The following PRKCD variants were observed in gnomAD, a reference collection of about 807,000 sequenced individuals.
The protein encoded by PRKCD is protein kinase C delta type.
A neutral mutation model predicts 82.2 loss-of-function variants in PRKCD; 20 were observed. That is an observed-to-expected ratio of 0.24 (90% CI 0.17 to 0.35). PRKCD has a LOEUF of 0.35. PRKCD is among the 10% of genes least tolerant of loss of function. The pLI is 1.00. For missense variants in PRKCD, 607 were observed against 899.0 expected (o/e 0.68, Z 4.15); for synonymous variants, 317 against 337.0 (o/e 0.94, Z 0.65).
chr3:53,169,778 C>A lies in PRKCD; in HGVS notation c.-20+4563C>A, dbSNP rs1419811898. On this transcript the variant is annotated intron_variant, in intron 2 of 18. Transcript: ENST00000330452. This position sits in a 1 kb window ranked among gnomAD's most constrained non-coding sequence, Gnocchi z 4.7. ...GCCCAGTTCTGCCCAGAGCCTCAGG[C>A]CAGAACAGGGCACCCTGCGGCTGGG... Among the ~76,000 whole-genome samples, 2 of 152,180 alleles carry A rather than the reference C, an allele frequency of 1.3e-5. No individual in the cohort carries two copies. Among genetic ancestry groups the A allele is most frequent in the Non-Finnish European group, 2.9e-5 (2 of 68,024 alleles).
chr3:53,181,638 G>A, intron 6 of PRKCD, 32 bp downstream of exon 6: 1 of 1,613,888 alleles, frequency 6.2e-7, no homozygotes, highest in Non-Finnish European at 8.5e-7. Context: ...TGGTGGTGGT[G>A]CAGGGTAGTG....
chr3:53,177,561 G>GA (rs1703253498), intron 2 of PRKCD, among the ~76,000 whole-genome samples: 1 of 152,118 alleles, frequency 6.6e-6, no homozygotes, highest in African/African-American at 2.4e-5. Context: ...TAGTTATGAA[G>GA]AAAAAACCCC....
At chr3:53,179,516 G>T in intron 3 of PRKCD, 61 bp from the exon 4 acceptor site, 1 of 1,602,918 alleles carries the variant, frequency 6.2e-7, no homozygotes, top group South Asian at 1.1e-5. Flanking sequence ...AGGCCGTGGA[G>T]GTCTACGAGG....
At chr3:53,190,113 A>C in intron 18 of PRKCD, 112 bp downstream of exon 18, 13 of 1,464,564 alleles carry the variant, frequency 8.9e-6, no homozygotes, top group African/African-American at 2.8e-5. Flanking sequence ...AGCAATCTCC[A>C]TAGCATGTTC....
intron 2 of PRKCD, among the ~76,000 whole-genome samples, chr3:53,165,922 G>A (rs782517583): frequency 1.3e-5 from 2 of 152,170 alleles, no homozygotes; most frequent in Non-Finnish European, 1.5e-5. Flanking sequence ...CATTGCTGTG[G>A]GTGACTCCAT....
At chr3:53,178,172 A>G (rs577483985) in intron 2 of PRKCD, among the ~76,000 whole-genome samples, 2 of 152,294 alleles carry the variant, frequency 1.3e-5, no homozygotes, top group African/African-American at 4.8e-5. Flanking sequence ...TCCTGACCTC[A>G]GGCCATCTGC....
At position 53,178,466 on chromosome 3, in the gene PRKCD, G is replaced by C. The variant is rs369358922; in HGVS notation, c.44G>C (p.Gly15Ala). The change falls in exon 3 of 19, where the codon GGC (glycine) becomes GCC (alanine). Residue 15 changes from glycine (G) to alanine (A), a missense_variant. By Grantham distance (60) the Gly-to-Ala change is moderately conservative. This residue lies in a region of PRKCD where 161 missense variants were observed against 227.0 expected (regional missense o/e 0.71). Transcript: ENST00000330452. ...LRIAFNSYEL[G>A]SLQAEDEANQ... ...ATCGCCTTCAACTCCTATGAGCTGG[G>C]CTCCCTGCAGGCCGAGGACGAGGCG... 10 of 1,612,936 alleles carry C rather than the reference G, an allele frequency of 6.2e-6. No individual in the cohort carries two copies. In the Admixed American group the frequency reaches 1.7e-4, roughly 27 times the overall value.
At chr3:53,162,821 G>A (rs1553663263) in intron 1 of PRKCD, among the ~76,000 whole-genome samples, 2 of 151,906 alleles carry the variant, frequency 1.3e-5, no homozygotes, top group African/African-American at 2.4e-5. Context: ...CGTTAGATCT[G>A]TTAATTGTGG....
At chr3:53,174,405 C>T (rs1384440325) in intron 2 of PRKCD, among the ~76,000 whole-genome samples, 4 of 152,206 alleles carry the variant, frequency 2.6e-5, no homozygotes, top group Non-Finnish European at 4.4e-5. Flanking sequence ...GTCGAGCCCC[C>T]GGCACCCCCT....
intron 9 of PRKCD, 61 bp downstream of exon 9, chr3:53,183,642 T>C: frequency 6.3e-7 from 1 of 1,597,384 alleles, no homozygotes; most frequent in Middle Eastern, 1.7e-4. Context: ...CTGCTGTGAA[T>C]TCCAGCCACC....
rs1553664519 is a variant in PRKCD at position 53,169,703 on chromosome 3, G to C, written c.-20+4488G>C. Among the ~76,000 whole-genome samples the C allele has an allele frequency of 6.6e-6, 1 of 152,206 alleles. No homozygotes were observed. The highest frequency in any genetic ancestry group is 6.5e-5 in the Admixed American group (1 of 15,286). On this transcript the variant is annotated intron_variant, in intron 2 of 18. Transcript: ENST00000330452. The surrounding 1 kb of genome is among the most constrained non-coding windows in gnomAD (Gnocchi z 4.7). ...AGACAGGGAGGCTGGAGCCCCGGGA[G>C]GGGCAGTAGCTGGCCAGCCTCTGCC...
In PRKCD at chr3:53,169,941, C is replaced by T. The variant is rs570269749; in HGVS notation, c.-20+4726C>T. Among the ~76,000 whole-genome samples, 61 of 152,346 alleles carry T rather than the reference C, an allele frequency of 4.0e-4. No homozygotes were observed. Among genetic ancestry groups the T allele is most frequent in the East Asian group, 1.7e-3 (9 of 5,192 alleles). Reference sequence around the variant, plus strand: ...GTCCAAGCTCGCCGGTTCCTCTGTCCGCTGCCTGCTGTGGGATGGCGCACC... The same window carrying T: ...GTCCAAGCTCGCCGGTTCCTCTGTCTGCTGCCTGCTGTGGGATGGCGCACC... On this transcript the variant is annotated intron_variant, in intron 2 of 18. Coordinates refer to ENST00000330452, the MANE Select transcript of PRKCD (RefSeq NM_006254.4). This position sits in a 1 kb window ranked among gnomAD's most constrained non-coding sequence, Gnocchi z 4.7.
intron 2 of PRKCD, among the ~76,000 whole-genome samples, chr3:53,176,059 G>A (rs556436956): frequency 7.9e-5 from 12 of 152,144 alleles, no homozygotes; most frequent in Non-Finnish European, 1.5e-4. Flanking sequence ...CACACACACC[G>A]ATTCATGCAT....
chr3:53,162,204 C>A (rs1228893490), intron 1 of PRKCD, among the ~76,000 whole-genome samples: 1 of 150,898 alleles, frequency 6.6e-6, no homozygotes, highest in South Asian at 2.1e-4. Context: ...CCGATACGGT[C>A]TGTACTCGCC....
chr3:53,176,475 C>T (rs1286488001), intron 2 of PRKCD, among the ~76,000 whole-genome samples: 2 of 152,268 alleles, frequency 1.3e-5, no homozygotes, highest in African/African-American at 4.8e-5. Flanking sequence ...TGGGGCTGGG[C>T]AGCTGTTGTG....
intron 18 of PRKCD, among the ~76,000 whole-genome samples, chr3:53,191,152 A>G (rs1204142732): frequency 6.6e-6 from 1 of 152,230 alleles, no homozygotes; most frequent in Non-Finnish European, 1.5e-5. Flanking sequence ...GGCCCACACC[A>G]GCACTTTGGG....
rs1703300102 is a variant in PRKCD at position 53,178,500 on chromosome 3, C to A, written c.78C>A (p.Pro26=). The A allele has an allele frequency of 6.2e-7, 1 of 1,613,314 alleles. No homozygotes were observed. Among genetic ancestry groups the A allele is most frequent in the African/African-American group, 1.3e-5 (1 of 75,056 alleles). ...SLQAEDEANQ[P]FCAVKMKEAL... ...AGGCCGAGGACGAGGCGAACCAGCC[C>A]TTCTGTGCCGTGAAGATGAAGGAGG... The change falls in exon 3 of 19, where the codon CCC becomes CCA. Residue 26 remains proline, a synonymous_variant. Coordinates refer to ENST00000330452, the MANE Select transcript of PRKCD (RefSeq NM_006254.4).
At chr3:53,172,152 T>G (rs991777827) in intron 2 of PRKCD, among the ~76,000 whole-genome samples, 3 of 152,050 alleles carry the variant, frequency 2.0e-5, no homozygotes, top group Non-Finnish European at 4.4e-5. Context: ...GCTGGGCATG[T>G]GGAGGCTGGG....
intron 11 of PRKCD, 81 bp from the exon 12 acceptor site, chr3:53,185,846 C>T: frequency 1.3e-6 from 2 of 1,552,262 alleles, no homozygotes; most frequent in Non-Finnish European, 1.8e-6. Flanking sequence ...AGGCCCCTTC[C>T]CCCAGCCTAC....
Sources: gnomAD v4.1 joint callset for allele counts (sites outside exome capture counted in the v4.1 genomes callset) on GRCh38, gnomAD v4.1.1 for gene constraint, gnomAD v4.1.1 regional missense constraint, Gnocchi (gnomAD v3.1) non-coding constraint, MANE v1.5 for transcripts, NCBI Gene and HGNC (gene_info 2026-07-23, HGNC 2026-07-21) for gene names.